Variants in AKAP13 observed in about 807,000 individuals in gnomAD.
The protein encoded by AKAP13 is A-kinase anchor protein 13.
A neutral mutation model predicts 264.5 loss-of-function variants in AKAP13; 80 were observed. That is an observed-to-expected ratio of 0.30 (90% CI 0.25 to 0.36). The LOEUF is 0.36. Ranked by LOEUF, AKAP13 falls within the 10% of genes least tolerant of loss-of-function variation. The pLI is 1.00. For synonymous variants in AKAP13, 1,380 were observed against 1,250.2 expected (o/e 1.10, Z -2.19); for missense variants, 3,712 against 3,435.2 (o/e 1.08, Z -2.01).
chr15:85,595,525 T>C (rs769598847), intron 8 of AKAP13, among the ~76,000 whole-genome samples: 2 of 152,194 alleles, frequency 1.3e-5, no homozygotes, highest in Non-Finnish European at 2.9e-5. Flanking sequence ...ATATGAGACA[T>C]GTTATCAGAT....
At chr15:85,481,048 A>AT (rs1303681960) in intron 1 of AKAP13, 3 of 152,030 alleles carry the variant, frequency 2.0e-5, no homozygotes, top group Non-Finnish European at 4.4e-5. Context: ...GTATATAAAC[A>AT]TTTTCGTAGC....
Position 85,684,898 on chromosome 15 carries a change from TG to T in AKAP13, c.5289+26del, listed in dbSNP as rs756925529. ...AGTGAGTATCACTGTGGGCATTGCT[TG>T]TGATCACCTCAGTAGGATCCTGTCA... is the stretch of plus-strand genomic sequence containing the variant. On this transcript the variant is annotated intron_variant, in intron 16 of 36. Coordinates refer to ENST00000394518, the MANE Select transcript of AKAP13 (RefSeq NM_007200.5). The T allele has an allele frequency of 6.3e-5, 101 of 1,611,544 alleles. No homozygotes were observed. In the East Asian group the frequency reaches 2.2e-3, roughly 36 times the overall value.
At chr15:85,675,566 G>C (rs997408388) in intron 14 of AKAP13, among the ~76,000 whole-genome samples, 1 of 152,152 alleles carries the variant, frequency 6.6e-6, no homozygotes, top group Non-Finnish European at 1.5e-5. Context: ...TGGTAGGAGG[G>C]GGGTGAACTC....
At chr15:85,440,605 T>C (rs958315931) in intron 1 of AKAP13, among the ~76,000 whole-genome samples, 40 of 152,266 alleles carry the variant, frequency 2.6e-4, no homozygotes, top group African/African-American at 9.6e-4. Flanking sequence ...TCAAAATCAG[T>C]TTTCACCTGA....
At chr15:85,564,798 A>G (rs1312456369) in intron 5 of AKAP13, among the ~76,000 whole-genome samples, 7 of 152,204 alleles carry the variant, frequency 4.6e-5, no homozygotes, top group Non-Finnish European at 8.8e-5. Context: ...AAATCCCAAC[A>G]AATACTTGAG....
At chr15:85,510,918 T>G (rs997298190) in intron 2 of AKAP13, among the ~76,000 whole-genome samples, 13 of 152,166 alleles carry the variant, frequency 8.5e-5, no homozygotes, top group Non-Finnish European at 5.9e-5. Context: ...TAGAGAGAGA[T>G]ATGGCAAATC....
intron 1 of AKAP13, among the ~76,000 whole-genome samples, chr15:85,440,939 T>A (rs1407440741): frequency 6.6e-6 from 1 of 152,186 alleles, no homozygotes; most frequent in Non-Finnish European, 1.5e-5. Context: ...ATATAGCAGT[T>A]ATAAGAGCCC....
chr15:85,512,966 C>T (rs2076490013), intron 2 of AKAP13, among the ~76,000 whole-genome samples: 1 of 152,094 alleles, frequency 6.6e-6, no homozygotes, highest in Non-Finnish European at 1.5e-5. Flanking sequence ...ACGCCATTCT[C>T]CTGCCTCAGC....
intron 5 of AKAP13, among the ~76,000 whole-genome samples, chr15:85,558,517 G>A (rs937625451): frequency 5.9e-5 from 9 of 152,142 alleles, no homozygotes; most frequent in African/African-American, 2.2e-4. Context: ...GCCTGAAGAT[G>A]GGGGTCCTGC....
intron 8 of AKAP13, among the ~76,000 whole-genome samples, chr15:85,599,321 A>G (rs984820328): frequency 3.3e-5 from 5 of 152,244 alleles, no homozygotes; most frequent in African/African-American, 1.2e-4. Flanking sequence ...TATAATGTGG[A>G]CAAGTGCTCT....
rs338535 is a variant in AKAP13 at position 85,708,359 on chromosome 15, G to A, written c.5532+273G>A. 2.6e-5 allele frequency among the ~76,000 whole-genome samples: 4 copies of A among 151,846 alleles called. No homozygotes were observed. Among genetic ancestry groups the A allele is most frequent in the Non-Finnish European group, 4.4e-5 (3 of 67,976 alleles). On this transcript the variant is annotated intron_variant, in intron 18 of 36. Coordinates refer to ENST00000394518, the MANE Select transcript of AKAP13 (RefSeq NM_007200.5). The surrounding 1 kb of genome is among the most constrained non-coding windows in gnomAD (Gnocchi z 4.3). ...ATTTCTTCGTGATTTTAATATTTCC[G>A]TATTGCTCTTAAAGTGGTTTTCTTC...
rs185752887 is a variant in AKAP13, at chr15:85,713,895, C to T, written c.5600-1893C>T. Among the ~76,000 whole-genome samples the T allele has an allele frequency of 1.2e-3, 189 of 152,206 alleles. 1 individual carries two copies. The highest frequency in any genetic ancestry group is 3.5e-3 in the Admixed American group (54 of 15,290). The stretch of plus-strand genomic sequence containing the variant: ...AAAATGTTCCCAAGTGCCAGCGTGA[C>T]CACTTTAGCAAATTAGATCTCCAGT... On this transcript the variant is annotated intron_variant, in intron 19 of 36. Coordinates refer to ENST00000394518, the MANE Select transcript of AKAP13 (RefSeq NM_007200.5).
At chr15:85,434,125 G>A (rs556655120) in intron 1 of AKAP13, among the ~76,000 whole-genome samples, 9 of 151,982 alleles carry the variant, frequency 5.9e-5, no homozygotes, top group Non-Finnish European at 7.4e-5. Flanking sequence ...CACCGTGCGC[G>A]AGCCGAAGCA....
In AKAP13 at chr15:85,581,590, T is replaced by C; in HGVS notation, c.3522T>C (p.Ala1174=). The stretch of plus-strand genomic sequence containing the variant: ...ACCACAGCTGTACCATGGGTGACGC[T>C]GAGGAAGCCCAAATAGACGATGAAG... The part of the protein sequence containing the change: ...GADHSCTMGD[A]EEAQIDDEAH... Residue 1174 remains alanine, a synonymous_variant, in exon 7 of 37, where the codon GCT becomes GCC. Transcript: ENST00000394518. 6.2e-7 allele frequency: 1 copy of C among 1,614,164 alleles called. No individual in the cohort carries two copies. Among genetic ancestry groups the C allele is most frequent in the South Asian group, 1.1e-5 (1 of 91,080 alleles).
Position 85,730,589 on chromosome 15 carries a change from G to A in AKAP13, c.7164G>A (p.Glu2388=), listed in dbSNP as rs748055752. Residue 2388 remains glutamate (E), a synonymous_variant, in exon 30 of 37, where the codon GAG becomes GAA. Coordinates refer to ENST00000394518, the MANE Select transcript of AKAP13 (RefSeq NM_007200.5). ...EKEMIFRDMA[E]CSTPLPEDCS... is the part of the protein sequence containing the mutation. ...AGATGATTTTCCGGGACATGGCTGA[G>A]TGCAGCACCCCTCTCCCAGAGGATT... 4.3e-6 allele frequency: 7 copies of A among 1,614,118 alleles called. No homozygotes were observed. The East Asian group carries it at 6.7e-5, about 15-fold the overall frequency.
In AKAP13 at chr15:85,522,370, A is replaced by G. The variant is rs556944976; in HGVS notation, c.181+795A>G. On this transcript the variant is annotated intron_variant, in intron 3 of 36. Transcript: ENST00000394518. ...GTAGATACAAGGAGACTGCAAGCAG[A>G]TATAAGGGAAAAGGCAAATACAAAA... Among the ~76,000 whole-genome samples the G allele has an allele frequency of 2.4e-3, 371 of 152,298 alleles. 3 individuals carry two copies. Among genetic ancestry groups the G allele is most frequent in the African/African-American group, 8.6e-3 (356 of 41,556 alleles).
Position 85,626,219 on chromosome 15 carries a change from A to G in AKAP13, c.4162-13155A>G, listed in dbSNP as rs116058584. ...TCTCTAAACAAGCTTGCATATCTCT[A>G]ACTGCTGCTCATTCATTTCTTAATT... On this transcript the variant is annotated intron_variant, in intron 8 of 36. Transcript: ENST00000394518. Among the ~76,000 whole-genome samples, 719 of 152,292 alleles carry G rather than the reference A, an allele frequency of 4.7e-3. 7 individuals are homozygous for G. The highest frequency in any genetic ancestry group is 0.016 in the African/African-American group (685 of 41,550).
At chr15:85,693,128 A>G in intron 16 of AKAP13, 149 bp from the exon 17 acceptor site, 1 of 1,344,004 alleles carries the variant, frequency 7.4e-7, no homozygotes, top group Non-Finnish European at 9.6e-7. Flanking sequence ...TAAAAAAACA[A>G]AACAAAACAC....
At chr15:85,450,840 G>C (rs1364339564) in intron 1 of AKAP13, among the ~76,000 whole-genome samples, 1 of 152,168 alleles carries the variant, frequency 6.6e-6, no homozygotes, top group African/African-American at 2.4e-5. Flanking sequence ...GTTGCTTTTG[G>C]TTGGAGACTT....
Sources: gnomAD v4.1 joint callset for allele counts (sites outside exome capture counted in the v4.1 genomes callset) on GRCh38, gnomAD v4.1.1 for gene constraint, Gnocchi (gnomAD v3.1) non-coding constraint, MANE v1.5 for transcripts, NCBI Gene and HGNC (gene_info 2026-07-23, HGNC 2026-07-21) for gene names.